The following CENPO variants were observed in gnomAD, a reference collection of about 807,000 sequenced individuals.
The protein encoded by CENPO is centromere protein O, also known as centromeric protein O.
In CENPO, 30 loss-of-function variants were observed where a neutral mutation model predicts 36.1. That is an observed-to-expected ratio of 0.83 (90% CI 0.62 to 1.13). The LOEUF (loss-of-function observed/expected upper bound fraction) is 1.13, where lower values mean the gene tolerates loss of function less well. Ranked by LOEUF, CENPO falls within the 50% of genes most tolerant of loss-of-function variation. The pLI is 0.00. For missense variants in CENPO, 349 were observed against 357.8 expected (o/e 0.98, Z 0.20); for synonymous variants, 171 against 142.3 (o/e 1.20, Z -1.44).
chr2:24,815,219 CAG>C (rs1355848463), intron 4 of CENPO, among the ~76,000 whole-genome samples: 1 of 140,934 alleles, frequency 7.1e-6, no homozygotes, highest in Non-Finnish European at 1.5e-5. Flanking sequence ...GCCTGGGTGA[CAG>C]AGTGAAACCC....
At chr2:24,813,743 T>C (rs1666812483) in intron 3 of CENPO, among the ~76,000 whole-genome samples, 1 of 152,184 alleles carries the variant, frequency 6.6e-6, no homozygotes, top group East Asian at 1.9e-4. Flanking sequence ...TGCCTTTCTA[T>C]GTGGCCCAGT....
intron 3 of CENPO, among the ~76,000 whole-genome samples, chr2:24,810,051 A>G (rs1572736929): frequency 6.6e-6 from 1 of 151,764 alleles, no homozygotes; most frequent in East Asian, 1.9e-4. Context: ...ATGTCTCAAA[A>G]AAAAAAAAAA....
intron 3 of CENPO, among the ~76,000 whole-genome samples, chr2:24,806,850 G>T (rs1466991292): frequency 6.6e-6 from 1 of 152,108 alleles, no homozygotes; most frequent in South Asian, 2.1e-4. Context: ...CCTAGGTTCA[G>T]TCAGCAAGAC....
chr2:24,803,704 T>A (rs1666255206), intron 3 of CENPO, among the ~76,000 whole-genome samples: 1 of 152,258 alleles, frequency 6.6e-6, no homozygotes, highest in African/African-American at 2.4e-5. Context: ...CAGTTTGTTA[T>A]AATTTCTGTT....
At position 24,817,672 on chromosome 2, in the gene CENPO, G is replaced by T. The variant is rs139463930; in HGVS notation, c.769G>T (p.Val257Leu). ...PTDVTVTCQG[V>L]EVLSTSWEEQ... is the part of the protein sequence containing the mutation. ...ATTGATGGAATCTTTCTTTTTAGGA[G>T]TGGAAGTATTATCCACTTCATGGGA... Residue 257 changes from valine (V) to leucine (L), a missense_variant and splice_region_variant, in exon 7 of 8, where the codon GTG (valine) becomes TTG (leucine). Physicochemically the swap from Val to Leu is conservative, Grantham distance 32. Transcript: ENST00000380834. 461 of 1,613,980 alleles carry T rather than the reference G, an allele frequency of 2.9e-4. No homozygotes were observed. Among genetic ancestry groups the T allele is most frequent in the Non-Finnish European group, 3.7e-4 (436 of 1,179,972 alleles).
chr2:24,798,099 C>T (rs780037382), intron 2 of CENPO, among the ~76,000 whole-genome samples: 10 of 152,096 alleles, frequency 6.6e-5, no homozygotes, highest in East Asian at 3.8e-4. Context: ...CTCCCAATTC[C>T]GAAATCTGAA....
At chr2:24,797,848 T>A (rs1665980743) in intron 2 of CENPO, among the ~76,000 whole-genome samples, 1 of 152,186 alleles carries the variant, frequency 6.6e-6, no homozygotes, top group South Asian at 2.1e-4. Context: ...ATATCACTGT[T>A]GATCTTAGAG....
chr2:24,799,693 A>T lies in CENPO; in HGVS notation c.65A>T (p.Glu22Val). The change falls in exon 3 of 8, where the codon GAA (glutamate) becomes GTA (valine). Residue 22 changes from glutamate to valine, a missense_variant. Transcript: ENST00000380834. ...ESKGGVLAHL[E>V]RLETQVSRSR... is the part of the protein sequence containing the mutation. ...TCCTTAGGTGTTTTAGCTCACTTGG[A>T]AAGGCTAGAGACCCAAGTGAGCAGA... The T allele has an allele frequency of 2.5e-6, 4 of 1,613,186 alleles. No individual in the cohort carries two copies. Among genetic ancestry groups the T allele is most frequent in the Non-Finnish European group, 3.4e-6 (4 of 1,179,616 alleles).
rs917260821 is a variant in CENPO, at chr2:24,822,196, A to C, written c.*2878A>C. 1 of 238,072 alleles carries C rather than the reference A, an allele frequency of 4.2e-6. No homozygotes were observed. The highest frequency in any genetic ancestry group is 1.0e-4 in the South Asian group (1 of 9,636). The allele number at this position is 238,072 out of a possible 1,614,324, so 14.7% of individuals were successfully genotyped here. A position where few individuals can be genotyped will look rare whatever the true frequency, so the allele number is the denominator to read the frequency against. ...GCCGTCAGCCAGAGTTCTGAAGGCCATGCTTTCAGTTTCCCTTGTTGACAA... is the reference window on the plus strand; with the variant it reads ...GCCGTCAGCCAGAGTTCTGAAGGCCCTGCTTTCAGTTTCCCTTGTTGACAA... On this transcript the variant is annotated 3_prime_UTR_variant, in exon 8 of 8. Coordinates refer to ENST00000380834, the MANE Select transcript of CENPO (RefSeq NM_001322101.2).
At position 24,814,412 on chromosome 2, in the gene CENPO, A is replaced by C; in HGVS notation, c.253A>C (p.Thr85Pro). The change falls in exon 4 of 8, where the codon ACA becomes CCA. Residue 85 changes from threonine (T) to proline (P), a missense_variant. Transcript: ENST00000380834. ...TATTGCCAATGTAGAACCCAACCAA[A>C]CAGTGGAGATCAATGAGCAAGAAGC... Reference protein sequence around the residue: ...ACIANVEPNQTVEINEQEALE... With the variant: ...ACIANVEPNQPVEINEQEALE... 1 of 1,604,078 alleles carries C rather than the reference A, an allele frequency of 6.2e-7. No homozygotes were observed.
chr2:24,801,858 G>A (rs1385907134), intron 3 of CENPO, among the ~76,000 whole-genome samples: 1 of 152,188 alleles, frequency 6.6e-6, no homozygotes. Flanking sequence ...TTCCAATTCT[G>A]TGAAGAAAGT....
intron 2 of CENPO, among the ~76,000 whole-genome samples, chr2:24,795,672 T>C (rs992582551): frequency 3.9e-5 from 6 of 152,198 alleles, no homozygotes; most frequent in South Asian, 2.1e-4. Context: ...TTTAGTAATA[T>C]AGAATTTCCA....
Position 24,819,863 on chromosome 2 carries a change from C to T in CENPO, c.*545C>T, listed in dbSNP as rs910165112. The T allele has an allele frequency of 4.3e-5, 65 of 1,513,556 alleles. No homozygotes were observed. Among genetic ancestry groups the T allele is most frequent in the Admixed American group, 7.7e-5 (4 of 52,098 alleles). The allele number at this position is 1,513,556 out of a possible 1,614,324, so 93.8% of individuals were successfully genotyped here. On this transcript the variant is annotated 3_prime_UTR_variant, in exon 8 of 8. Coordinates refer to ENST00000380834, the MANE Select transcript of CENPO (RefSeq NM_001322101.2). ...AGTGTGCACTTCAATCCAGGAAGGT[C>T]GGGACTTCCTTCAGTTTCAAAAAAT... is the stretch of plus-strand genomic sequence containing the variant.
At chr2:24,799,386 A>G (rs756189159) in intron 2 of CENPO, among the ~76,000 whole-genome samples, 3 of 152,138 alleles carry the variant, frequency 2.0e-5, no homozygotes, top group Non-Finnish European at 4.4e-5. Flanking sequence ...CTGCAGACCT[A>G]GATAAGACAC....
Position 24,819,841 on chromosome 2 carries a change from G to GT in CENPO, c.*524dup. 7.4e-7 allele frequency: 1 copy of GT among 1,358,520 alleles called. No homozygotes were observed. Among genetic ancestry groups the GT allele is most frequent in the Non-Finnish European group, 1.0e-6 (1 of 986,398 alleles). 84.2% of individuals were successfully genotyped at this position (1,358,520 alleles called of 1,614,324 possible). On this transcript the variant is annotated 3_prime_UTR_variant, in exon 8 of 8. Coordinates refer to ENST00000380834, the MANE Select transcript of CENPO (RefSeq NM_001322101.2). Reference sequence around the variant, plus strand: ...GTTTCTAAACCTAAAGTCCATGAGTGTGCACTTCAATCCAGGAAGGTCGGG... The same window carrying GT: ...GTTTCTAAACCTAAAGTCCATGAGTGTTGCACTTCAATCCAGGAAGGTCGGG...
At chr2:24,808,789 A>G (rs1315866611) in intron 3 of CENPO, among the ~76,000 whole-genome samples, 7 of 152,292 alleles carry the variant, frequency 4.6e-5, no homozygotes, top group African/African-American at 7.2e-5. Context: ...ATCTAAATTC[A>G]TGAGAGAGAC....
intron 3 of CENPO, among the ~76,000 whole-genome samples, chr2:24,813,178 G>A (rs1045942515): frequency 1.3e-5 from 2 of 152,074 alleles, no homozygotes; most frequent in African/African-American, 2.4e-5. Context: ...CCCGGGAGGC[G>A]GAGGTTGCAG....
At position 24,821,420 on chromosome 2, in the gene CENPO, C is replaced by T. The variant is rs1667693201; in HGVS notation, c.*2102C>T. 1 of 1,526,616 alleles carries T rather than the reference C, an allele frequency of 6.6e-7. No individual in the cohort carries two copies. The highest frequency in any genetic ancestry group is 1.4e-5 in the African/African-American group (1 of 72,878). The allele number at this position is 1,526,616 out of a possible 1,614,324, so 94.6% of individuals were successfully genotyped here. On this transcript the variant is annotated 3_prime_UTR_variant, in exon 8 of 8. Transcript: ENST00000380834. The stretch of plus-strand genomic sequence containing the variant: ...GCGTGAACCTCCCCACCCGAATTGC[C>T]TCAGTTGTCCTGAGCCTCATGTCTC...
chr2:24,812,294 G>T (rs1666728163), intron 3 of CENPO, among the ~76,000 whole-genome samples: 1 of 152,222 alleles, frequency 6.6e-6, no homozygotes, highest in African/African-American at 2.4e-5. Flanking sequence ...TATTAGTCAG[G>T]TGTTAATCTT....
Sources: allele counts gnomAD v4.1 joint callset (sites outside exome capture counted in the v4.1 genomes callset), GRCh38; gene constraint gnomAD v4.1.1; transcripts MANE v1.5; gene names NCBI Gene and HGNC (gene_info 2026-07-23, HGNC 2026-07-21).